Variants in DCC observed in about 807,000 individuals in gnomAD.
DCC encodes the protein DCC netrin 1 receptor.
Under a neutral mutation model 172.5 loss-of-function variants are expected in DCC, and 58 were observed. The observed-to-expected ratio is 0.34, with a 90% confidence interval of 0.27 to 0.42. DCC has a LOEUF of 0.42. DCC is among the 10% of genes least tolerant of loss of function. The pLI, the probability that DCC is intolerant of heterozygous loss-of-function variation, is 1.00. For missense variants in DCC, 1,740 were observed against 1,791.0 expected (o/e 0.97, Z 0.51); for synonymous variants, 709 against 644.5 (o/e 1.10, Z -1.52).
chr18:53,260,375 G>T (rs561940550), intron 12 of DCC, among the ~76,000 whole-genome samples: 1 of 152,124 alleles, frequency 6.6e-6, no homozygotes, highest in South Asian at 2.1e-4. Flanking sequence ...GTACAGATGG[G>T]GTTTTGGTGT....
rs914324078 is a variant in DCC at position 52,535,455 on chromosome 18, G to C, written c.91+194577G>C. Reference sequence around the variant, plus strand: ...GTATCCCATTTTGTATACAGCTAAGGCTGCACTGGCTAAATCTTTGTAGAA... The same window carrying C: ...GTATCCCATTTTGTATACAGCTAAGCCTGCACTGGCTAAATCTTTGTAGAA... On this transcript the variant is annotated intron_variant, in intron 1 of 28. Transcript: ENST00000442544. Among the ~76,000 whole-genome samples, 9 of 152,244 alleles carry C rather than the reference G, an allele frequency of 5.9e-5. No individual in the cohort carries two copies. In the East Asian group the frequency reaches 1.7e-3, roughly 29 times the overall value.
intron 1 of DCC, among the ~76,000 whole-genome samples, chr18:52,578,512 A>C (rs2144772271): frequency 6.6e-6 from 1 of 152,194 alleles, no homozygotes; most frequent in African/African-American, 2.4e-5. Context: ...ATTTGTATGA[A>C]ATTTTTGTCC....
intron 2 of DCC, among the ~76,000 whole-genome samples, chr18:52,798,081 G>GGTTGCTTGCACGAAGGTTGCTT (rs1568110926): frequency 6.6e-6 from 1 of 152,118 alleles, no homozygotes; most frequent in Non-Finnish European, 1.5e-5. Flanking sequence ...CTTGCACAAA[G>GGTTGCTTGCACGAAGGTTGCTT]GCTACACATA....
At chr18:52,948,312 ATGTGTG>A (rs10566106) in intron 5 of DCC, among the ~76,000 whole-genome samples, 41 of 150,186 alleles carry the variant, frequency 2.7e-4, no homozygotes, top group African/African-American at 7.8e-4. Flanking sequence ...CACAGTGTTG[ATGTGTG>A]TGTGTGTGTG....
chr18:52,749,249 C>A (rs904295069), intron 1 of DCC, among the ~76,000 whole-genome samples: 3 of 152,038 alleles, frequency 2.0e-5, no homozygotes, highest in African/African-American at 4.8e-5. Flanking sequence ...AAAGAACAGG[C>A]AAACAGGAAC....
chr18:53,102,221 G>A (rs1434088922), intron 7 of DCC, among the ~76,000 whole-genome samples: 2 of 152,064 alleles, frequency 1.3e-5, no homozygotes, highest in Non-Finnish European at 2.9e-5. Flanking sequence ...TAATTAGCCA[G>A]CATCCCTTTT....
intron 1 of DCC, among the ~76,000 whole-genome samples, chr18:52,381,337 G>T (rs968512717): frequency 2.0e-5 from 3 of 152,100 alleles, no homozygotes; most frequent in African/African-American, 7.2e-5. Flanking sequence ...CAATTTTTTA[G>T]CATCTAAGGG....
chr18:52,471,738 A>C (rs943468245), intron 1 of DCC, among the ~76,000 whole-genome samples: 2 of 152,234 alleles, frequency 1.3e-5, no homozygotes, highest in African/African-American at 4.8e-5. Flanking sequence ...TAAGTCCTGC[A>C]ATCAGATAAG....
intron 7 of DCC, among the ~76,000 whole-genome samples, chr18:53,105,917 C>T (rs1253585967): frequency 6.6e-6 from 1 of 151,376 alleles, no homozygotes; most frequent in Non-Finnish European, 1.5e-5. Context: ...ATGCCTGAGG[C>T]ATTTTGTCTG....
chr18:53,332,549 C>T (rs1469425744), intron 14 of DCC, among the ~76,000 whole-genome samples: 2 of 151,896 alleles, frequency 1.3e-5, no homozygotes, highest in Admixed American at 1.3e-4. Flanking sequence ...TTATTAGGAA[C>T]AAGAATAAAA....
chr18:52,603,628 T>A (rs933413062), intron 1 of DCC, among the ~76,000 whole-genome samples: 7 of 135,326 alleles, frequency 5.2e-5, no homozygotes, highest in Non-Finnish European at 1.1e-4. Context: ...ACACACACAG[T>A]TTATTCTCTT....
At chr18:52,901,455 A>T (rs966472006) in intron 2 of DCC, among the ~76,000 whole-genome samples, 1 of 152,158 alleles carries the variant, frequency 6.6e-6, no homozygotes, top group Non-Finnish European at 1.5e-5. Context: ...AAATAAATAA[A>T]TAAAAATAAC....
chr18:52,962,537 T>G lies in DCC; in HGVS notation c.985+37167T>G, dbSNP rs866158445. ...GTAAACTAGTTCAACCAATGTGGAATTCAGTGTGGCGATTCCTCAGGGATC... is the reference window on the plus strand; with the variant it reads ...GTAAACTAGTTCAACCAATGTGGAAGTCAGTGTGGCGATTCCTCAGGGATC... On this transcript the variant is annotated intron_variant, in intron 5 of 28. Transcript: ENST00000442544. Among the ~76,000 whole-genome samples, 1,467 of 151,094 alleles carry G rather than the reference T, an allele frequency of 9.7e-3. 32 individuals are homozygous for G. The highest frequency in any genetic ancestry group is 0.034 in the African/African-American group (1,371 of 40,460).
intron 5 of DCC, among the ~76,000 whole-genome samples, chr18:52,936,172 T>C (rs1224526181): frequency 2.0e-5 from 3 of 152,152 alleles, no homozygotes; most frequent in Non-Finnish European, 2.9e-5. Context: ...CCCATTGCTA[T>C]GCAGATTACT....
At chr18:52,963,310 A>T (rs909274276) in intron 5 of DCC, among the ~76,000 whole-genome samples, 1 of 151,782 alleles carries the variant, frequency 6.6e-6, no homozygotes, top group Non-Finnish European at 1.5e-5. Context: ...TATGTGGAAA[A>T]AAAAAGGCCC....
chr18:53,526,085 T>TTTTTTTTTGTTCCAG (rs1226652799), intron 27 of DCC, among the ~76,000 whole-genome samples: 4 of 151,942 alleles, frequency 2.6e-5, no homozygotes, highest in Non-Finnish European at 5.9e-5. Flanking sequence ...AAACCAGAAT[T>TTTTTTTTTGTTCCAG]ACATCTTTTT....
In DCC at chr18:52,971,116, GT is replaced by G. The variant is rs2041023204; in HGVS notation, c.985+45748del. Among the ~76,000 whole-genome samples the G allele has an allele frequency of 3.3e-5, 5 of 152,232 alleles. No individual in the cohort carries two copies. In the South Asian group the frequency reaches 1.0e-3, roughly 32 times the overall value. On this transcript the variant is annotated intron_variant, in intron 5 of 28. Transcript: ENST00000442544. The stretch of plus-strand genomic sequence containing the variant: ...TCTGACTCTGAGACAGATGACAGCT[GT>G]TCAACCCCAGGGGCAGAAAAAAAAC...
chr18:53,440,640 T>A (rs1291250532), intron 22 of DCC, among the ~76,000 whole-genome samples: 1 of 152,130 alleles, frequency 6.6e-6, no homozygotes, highest in Non-Finnish European at 1.5e-5. Flanking sequence ...AGCAGAAATC[T>A]TAATGCAAAA....
intron 5 of DCC, among the ~76,000 whole-genome samples, chr18:53,006,101 T>TG (rs2041641815): frequency 6.6e-6 from 1 of 152,246 alleles, no homozygotes; most frequent in Non-Finnish European, 1.5e-5. Flanking sequence ...ATGTGTGTCT[T>TG]CAGTCATTAT....
Sources: allele counts gnomAD v4.1 joint callset (sites outside exome capture counted in the v4.1 genomes callset), GRCh38; gene constraint gnomAD v4.1.1; transcripts MANE v1.5; gene names NCBI Gene and HGNC (gene_info 2026-07-23, HGNC 2026-07-21).